Variants in SESN3 observed in about 807,000 individuals in gnomAD.
SESN3 encodes the protein sestrin-3.
A neutral mutation model predicts 55.3 loss-of-function variants in SESN3; 21 were observed. That is an observed-to-expected ratio of 0.38 (90% CI 0.27 to 0.55). The LOEUF is 0.55. Among genes scored for constraint, SESN3 ranks in the 20% least tolerant of loss-of-function variants. SESN3 has a pLI of 0.76. For synonymous variants in SESN3, 181 were observed against 203.1 expected (o/e 0.89, Z 0.93); for missense variants, 408 against 604.3 (o/e 0.68, Z 3.41).
upstream of SESN3, chr11:95,231,266 A>G (rs1861062833): frequency 2.5e-6 from 1 of 392,568 alleles, no homozygotes; most frequent in Non-Finnish European, 4.5e-6. Flanking sequence ...CCCTCCCGCC[A>G]ATCGGACAGC....
At chr11:95,197,741 C>A (rs776172923) in intron 1 of SESN3, among the ~76,000 whole-genome samples, 61 of 152,236 alleles carry the variant, frequency 4.0e-4, no homozygotes, top group South Asian at 6.2e-4. Context: ...AAATTCTACT[C>A]AAATTTGTTA....
At position 95,230,025 on chromosome 11, in the gene SESN3, C is replaced by G. The variant is rs1319876553; in HGVS notation, c.78+758G>C. ...GTAAGCTAAACAATACTGGAGTAAACTTTCTATCAGTCACTCTAGGAAGCA... is the reference window on the plus strand; with the variant it reads ...GTAAGCTAAACAATACTGGAGTAAAGTTTCTATCAGTCACTCTAGGAAGCA... On this transcript the variant is annotated intron_variant, in intron 1 of 9. Transcript: ENST00000536441. This position sits in a 1 kb window ranked among gnomAD's most constrained non-coding sequence, Gnocchi z 4.6. 6.6e-6 allele frequency among the ~76,000 whole-genome samples: 1 copy of G among 151,956 alleles called. No individual in the cohort carries two copies. Among genetic ancestry groups the G allele is most frequent in the Non-Finnish European group, 1.5e-5 (1 of 68,016 alleles).
Position 95,218,279 on chromosome 11 carries a change from C to T in SESN3, c.78+12504G>A, listed in dbSNP as rs146364699. Among the ~76,000 whole-genome samples, 14 of 152,298 alleles carry T rather than the reference C, an allele frequency of 9.2e-5. No homozygotes were observed. The East Asian group carries it at 2.3e-3, about 25-fold the overall frequency. ...CCCTTTACAGAAAGTTTACCAAATC[C>T]TACTCTTGACTGTAGTGTCAACTGG... On this transcript the variant is annotated intron_variant, in intron 1 of 9. Coordinates refer to ENST00000536441, the MANE Select transcript of SESN3 (RefSeq NM_144665.4).
chr11:95,217,105 CAAAAAAAA>C (rs61672704), intron 1 of SESN3, among the ~76,000 whole-genome samples: 1 of 106,634 alleles, frequency 9.4e-6, no homozygotes, highest in African/African-American at 3.5e-5. Context: ...GACTCTGTCT[CAAAAAAAA>C]AAAAAAAAGT....
intron 1 of SESN3, among the ~76,000 whole-genome samples, chr11:95,229,608 AAC>A (rs1861013127): frequency 6.6e-6 from 1 of 152,152 alleles, no homozygotes; most frequent in Non-Finnish European, 1.5e-5. Context: ...GAGGAAGAAA[AAC>A]AGTTTTTGGA....
chr11:95,219,591 A>G (rs968785769), intron 1 of SESN3, among the ~76,000 whole-genome samples: 1 of 152,160 alleles, frequency 6.6e-6, no homozygotes, highest in African/African-American at 2.4e-5. Flanking sequence ...AGCCAGTTTG[A>G]TATTGGCCAT....
intron 1 of SESN3, among the ~76,000 whole-genome samples, chr11:95,217,066 A>C (rs1260650746): frequency 6.6e-6 from 1 of 150,846 alleles, no homozygotes; most frequent in Non-Finnish European, 1.5e-5. Context: ...CGATCATGTC[A>C]CTGCACTCCA....
chr11:95,231,113 C>A lies in SESN3; in HGVS notation c.-253G>T. On this transcript the variant is annotated 5_prime_UTR_variant, in exon 1 of 10. Coordinates refer to ENST00000536441, the MANE Select transcript of SESN3 (RefSeq NM_144665.4). ...TCACCGGCCCGTTGTTCCACCCGCC[C>A]CCATCTTCCAGACCCCCGCCCCCGC... 2.4e-6 allele frequency: 1 copy of A among 419,134 alleles called. No individual in the cohort carries two copies. The highest frequency in any genetic ancestry group is 7.7e-5 in the South Asian group (1 of 12,970). 26.0% of individuals were successfully genotyped at this position (419,134 alleles called of 1,614,324 possible).
At chr11:95,210,275 A>G (rs933770401) in intron 1 of SESN3, among the ~76,000 whole-genome samples, 20 of 152,258 alleles carry the variant, frequency 1.3e-4, no homozygotes, top group African/African-American at 4.8e-4. Flanking sequence ...AGGTTGATGG[A>G]TGCAGCAAAC....
At chr11:95,231,323 G>C (rs1411201690), upstream of SESN3, 1 of 388,916 alleles carries the variant, frequency 2.6e-6, no homozygotes, top group Non-Finnish European at 4.5e-6. Flanking sequence ...TGAGCAACGA[G>C]AGCCCGACTG....
At chr11:95,188,772 GTTC>G (rs773135186) in intron 4 of SESN3, among the ~76,000 whole-genome samples, 2 of 151,834 alleles carry the variant, frequency 1.3e-5, no homozygotes, top group Non-Finnish European at 1.5e-5. Flanking sequence ...TCATTACCCT[GTTC>G]TTCTTCTCCC....
intron 3 of SESN3, 52 bp from the exon 4 acceptor site, chr11:95,190,013 T>G (rs1860236471): frequency 1.5e-6 from 2 of 1,337,074 alleles, no homozygotes; most frequent in South Asian, 1.4e-5. Context: ...GTAGAGTTTC[T>G]TTCCACTATT....
chr11:95,191,557 C>T lies in SESN3; in HGVS notation c.189G>A (p.Val63=), dbSNP rs762197824. Residue 63 remains valine (V), a synonymous_variant, in exon 3 of 10, where the codon GTG becomes GTA. Coordinates refer to ENST00000536441, the MANE Select transcript of SESN3 (RefSeq NM_144665.4). ...NTVDERTNFL[V]EEYSTSGRLD... ...GACGACCGGATGTAGAGTATTCTTC[C>T]ACAAGAAAGTTAGTACGTTCATCCA... The T allele has an allele frequency of 1.2e-6, 2 of 1,612,756 alleles. No homozygotes were observed. The highest frequency in any genetic ancestry group is 3.3e-5 in the Admixed American group (2 of 59,816).
Position 95,172,046 on chromosome 11 carries a change from G to C in SESN3, c.*1209C>G, listed in dbSNP as rs1256761814. The C allele has an allele frequency of 6.6e-6, 1 of 152,056 alleles. No individual in the cohort carries two copies. Among genetic ancestry groups the C allele is most frequent in the Non-Finnish European group, 1.5e-5 (1 of 67,974 alleles). 9.4% of individuals were successfully genotyped at this position (152,056 alleles called of 1,614,324 possible). On this transcript the variant is annotated 3_prime_UTR_variant, in exon 10 of 10. Transcript: ENST00000536441. ...TCCCAGAAAGGTAAAACTGAAAAAA[G>C]CCTGTGCAATAAAGAAATTTGAAAA...
chr11:95,230,685 C>T lies in SESN3; in HGVS notation c.78+98G>A, dbSNP rs376383473. On this transcript the variant is annotated intron_variant, in intron 1 of 9. Transcript: ENST00000536441. The surrounding 1 kb of genome is among the most constrained non-coding windows in gnomAD (Gnocchi z 4.6). ...GCGGAGGGACGGTGCCCGGGGATCCCTCTCAGCCTCCCCCAGTGCGCGCCC... is the reference window on the plus strand; with the variant it reads ...GCGGAGGGACGGTGCCCGGGGATCCTTCTCAGCCTCCCCCAGTGCGCGCCC... 5.7e-4 allele frequency: 487 copies of T among 849,866 alleles called. 4 individuals carry two copies. The African/African-American group carries it at 7.1e-3, about 12-fold the overall frequency. The allele number at this position is 849,866 out of a possible 1,614,324, so 52.6% of individuals were successfully genotyped here.
intron 1 of SESN3, among the ~76,000 whole-genome samples, chr11:95,210,017 C>CAAAA (rs71036380): frequency 4.3e-3 from 255 of 59,774 alleles, no homozygotes; most frequent in Middle Eastern, 8.9e-3. Context: ...AACTCCATCT[C>CAAAA]AAAAAAAAAA....
Position 95,175,626 on chromosome 11 carries a change from A to C in SESN3, c.1264T>G (p.Tyr422Asp). Residue 422 changes from tyrosine (Y) to aspartate (D), a missense_variant, in exon 9 of 10, where the codon TAT (tyrosine) becomes GAT (aspartate). Transcript: ENST00000536441. ...MFGIRYDDYD[Y>D]GEVNQLLERS... is the part of the protein sequence containing the mutation. ...TCAAGTAATTGATTAACTTCTCCAT[A>C]ATCATAGTCATCATACCTACGAGCA... The C allele has an allele frequency of 6.2e-7, 1 of 1,612,274 alleles. No homozygotes were observed. Among genetic ancestry groups the C allele is most frequent in the Non-Finnish European group, 8.5e-7 (1 of 1,178,666 alleles).
At chr11:95,199,567 G>A (rs1031147465) in intron 1 of SESN3, among the ~76,000 whole-genome samples, 2 of 152,110 alleles carry the variant, frequency 1.3e-5, no homozygotes, top group Non-Finnish European at 1.5e-5. Context: ...CTTGTATTTG[G>A]AAGTTAGAAA....
At chr11:95,201,700 A>C (rs952444057) in intron 1 of SESN3, among the ~76,000 whole-genome samples, 1 of 152,112 alleles carries the variant, frequency 6.6e-6, no homozygotes, top group African/African-American at 2.4e-5. Flanking sequence ...TTTAAGCTAC[A>C]CCATTAGCAC....
Sources: allele counts gnomAD v4.1 joint callset (sites outside exome capture counted in the v4.1 genomes callset), GRCh38; gene constraint gnomAD v4.1.1; non-coding constraint Gnocchi (gnomAD v3.1); transcripts MANE v1.5; gene names NCBI Gene and HGNC (gene_info 2026-07-23, HGNC 2026-07-21).